Variants in MROH9 observed in about 807,000 individuals in gnomAD.
The protein encoded by MROH9 is maestro heat like repeat family member 9.
A neutral mutation model predicts 98.2 loss-of-function variants in MROH9; 92 were observed. That is an observed-to-expected ratio of 0.94 (90% CI 0.79 to 1.11). MROH9 has a LOEUF of 1.11. Ranked by LOEUF, MROH9 falls within the 50% of genes most tolerant of loss-of-function variation. The pLI is 0.00. For missense variants in MROH9, 1,057 were observed against 1,014.8 expected, an observed-to-expected ratio of 1.04 and a Z score of -0.57; for synonymous variants, 397 against 368.9, an observed-to-expected ratio of 1.08 and a Z score of -0.87.
intron 15 of MROH9, among the ~76,000 whole-genome samples, chr1:171,009,295 A>G (rs1191334426): frequency 6.6e-6 from 1 of 152,108 alleles, no homozygotes; most frequent in Non-Finnish European, 1.5e-5. Context: ...TTGTATAGCA[A>G]ATTAATAACC....
chr1:171,023,897 C>T (rs1652603492), intron 17 of MROH9, among the ~76,000 whole-genome samples: 1 of 152,138 alleles, frequency 6.6e-6, no homozygotes, highest in African/African-American at 2.4e-5. Flanking sequence ...ACCAACATCT[C>T]CCCCAGTGCC....
In MROH9 at chr1:170,998,416, G is replaced by C. The variant is rs190565369; in HGVS notation, c.1596+142G>C. ...AAGATCATGAAAGATATCTGAAGTC[G>C]GATGGGGAGAGGTGTGGAGTTAGAT... On this transcript the variant is annotated intron_variant, in intron 15 of 21. Transcript: ENST00000367759. 3 of 1,601,102 alleles carry C rather than the reference G, an allele frequency of 1.9e-6. No individual in the cohort carries two copies. The African/African-American group carries it at 4.0e-5, about 21-fold the overall frequency.
chr1:171,049,632 G>T (rs150852174), intron 20 of MROH9, among the ~76,000 whole-genome samples: 2 of 151,716 alleles, frequency 1.3e-5, no homozygotes, highest in Non-Finnish European at 2.9e-5. Flanking sequence ...TTGAAAAAAT[G>T]TCTGTTCATC....
At chr1:170,956,582 C>CTTTTTT (rs869218785) in intron 3 of MROH9, among the ~76,000 whole-genome samples, 5 of 114,920 alleles carry the variant, frequency 4.4e-5, no homozygotes, top group African/African-American at 1.1e-4. Context: ...TTTCTCTTTC[C>CTTTTTT]TTTTTTTTTT....
intron 15 of MROH9, among the ~76,000 whole-genome samples, chr1:171,002,624 G>A (rs985508005): frequency 2.0e-5 from 3 of 152,168 alleles, no homozygotes; most frequent in Non-Finnish European, 4.4e-5. Context: ...GAAGTCTTCT[G>A]TTAATCTGAT....
intron 15 of MROH9, among the ~76,000 whole-genome samples, chr1:171,003,823 G>T (rs936857440): frequency 9.9e-5 from 15 of 152,108 alleles, no homozygotes; most frequent in African/African-American, 3.6e-4. Flanking sequence ...TATGCCATTT[G>T]TCTTCTGCTA....
chr1:170,993,020 T>C (rs1473030847), intron 12 of MROH9, among the ~76,000 whole-genome samples: 1 of 152,100 alleles, frequency 6.6e-6, no homozygotes, highest in African/African-American at 2.4e-5. Context: ...AAATGTGAAA[T>C]GTTGGAATAT....
At chr1:170,961,048 A>AT (rs147765333) in intron 5 of MROH9, among the ~76,000 whole-genome samples, 12,155 of 152,054 alleles carry the variant, frequency 0.08, 622 homozygotes, top group Non-Finnish European at 0.11. Flanking sequence ...ATAAAAGTCT[A>AT]TTTTTTTTAC....
chr1:171,020,569 C>T (rs538808637), intron 17 of MROH9, among the ~76,000 whole-genome samples: 1 of 152,170 alleles, frequency 6.6e-6, no homozygotes, highest in East Asian at 1.9e-4. Context: ...AACATTCCTT[C>T]ATGTTAAAAA....
intron 8 of MROH9, among the ~76,000 whole-genome samples, chr1:170,977,295 G>T (rs1406651165): frequency 1.3e-5 from 2 of 152,162 alleles, no homozygotes; most frequent in East Asian, 3.9e-4. Flanking sequence ...TCAGCCATCT[G>T]GAGGACACAA....
intron 6 of MROH9, among the ~76,000 whole-genome samples, chr1:170,962,682 T>A (rs1455707249): frequency 1.3e-5 from 2 of 152,112 alleles, no homozygotes; most frequent in Non-Finnish European, 2.9e-5. Context: ...AAAAGGAATT[T>A]GAATGAAAAT....
At chr1:171,012,484 T>G (rs1652184426) in intron 15 of MROH9, among the ~76,000 whole-genome samples, 1 of 151,420 alleles carries the variant, frequency 6.6e-6, no homozygotes, top group Non-Finnish European at 1.5e-5. Flanking sequence ...GAAAACATGA[T>G]TTTATAAAAC....
chr1:171,055,429 T>G (rs544054325), intron 20 of MROH9, among the ~76,000 whole-genome samples: 35 of 152,126 alleles, frequency 2.3e-4, no homozygotes, highest in South Asian at 1.0e-3. Context: ...AAGACCAGCC[T>G]GGCCAACATG....
Position 170,959,502 on chromosome 1 carries a change from A to C in MROH9, c.193A>C (p.Ile65Leu), listed in dbSNP as rs1489618381. The C allele has an allele frequency of 6.2e-7, 1 of 1,613,256 alleles. No homozygotes were observed. ...ACTGCAGTTTGAATCTCAGTTGAAGATAATAGAGTCATCCTTTGGAATGCT... is the reference window on the plus strand; with the variant it reads ...ACTGCAGTTTGAATCTCAGTTGAAGCTAATAGAGTCATCCTTTGGAATGCT... Reference protein sequence around the residue: ...PLLQFESQLKIIESSFGMLVV... With the variant: ...PLLQFESQLKLIESSFGMLVV... The change falls in exon 5 of 22, where the codon ATA becomes CTA. Residue 65 changes from isoleucine to leucine, a missense_variant. Coordinates refer to ENST00000367759, the MANE Select transcript of MROH9 (RefSeq NM_001163629.2).
intron 8 of MROH9, among the ~76,000 whole-genome samples, chr1:170,977,308 C>A (rs1395883637): frequency 6.6e-6 from 1 of 152,186 alleles, no homozygotes; most frequent in Non-Finnish European, 1.5e-5. Context: ...GGACACAAGA[C>A]ACTCTAGCTA....
chr1:170,980,882 C>T (rs1359701427), intron 8 of MROH9, among the ~76,000 whole-genome samples: 1 of 151,954 alleles, frequency 6.6e-6, no homozygotes, highest in Non-Finnish European at 1.5e-5. Flanking sequence ...TGACAAAGGT[C>T]TAATATGCAG....
At chr1:171,047,331 A>G (rs549169351) in intron 20 of MROH9, among the ~76,000 whole-genome samples, 59 of 152,144 alleles carry the variant, frequency 3.9e-4, no homozygotes, top group African/African-American at 1.4e-3. Context: ...GCTATTCTAG[A>G]TCTTGTAGGC....
At chr1:171,046,400 A>C (rs1653474353) in intron 20 of MROH9, among the ~76,000 whole-genome samples, 1 of 151,984 alleles carries the variant, frequency 6.6e-6, no homozygotes, top group Non-Finnish European at 1.5e-5. Flanking sequence ...CCTCTAGTCA[A>C]GGTGATTTTC....
intron 5 of MROH9, among the ~76,000 whole-genome samples, chr1:170,959,817 G>A (rs1649946345): frequency 6.6e-6 from 1 of 152,234 alleles, no homozygotes; most frequent in South Asian, 2.1e-4. Flanking sequence ...AATAGGCGAA[G>A]ATATTTTTGG....
Sources: gnomAD v4.1 joint callset for allele counts (sites outside exome capture counted in the v4.1 genomes callset) on GRCh38, gnomAD v4.1.1 for gene constraint, MANE v1.5 for transcripts, NCBI Gene and HGNC (gene_info 2026-07-23, HGNC 2026-07-21) for gene names.